Variants in ATG13 observed in about 807,000 individuals in gnomAD.
The protein encoded by ATG13 is autophagy-related protein 13.
Under a neutral mutation model 65.5 loss-of-function variants are expected in ATG13, and 23 were observed. The observed-to-expected ratio is 0.35, with a 90% CI of 0.25 to 0.50. The LOEUF (loss-of-function observed/expected upper bound fraction) is 0.50, where lower values mean the gene tolerates loss of function less well. Among genes scored for constraint, ATG13 ranks in the 20% least tolerant of loss-of-function variants. ATG13 has a pLI of 0.98. For missense variants in ATG13, 566 were observed against 677.0 expected, an observed-to-expected ratio of 0.84 and a Z score of 1.82; for synonymous variants, 252 against 245.2, an observed-to-expected ratio of 1.03 and a Z score of -0.26.
In ATG13 at chr11:46,645,852, G is replaced by A. The variant is rs202100011; in HGVS notation, c.151-18G>A. 5.7e-5 allele frequency: 92 copies of A among 1,613,706 alleles called. No homozygotes were observed. Among genetic ancestry groups the A allele is most frequent in the Non-Finnish European group, 5.4e-5 (64 of 1,179,834 alleles). ...GTTCCTGTGAGTGTTTCATGCAAAA[G>A]TCCCTTTTGTTTTCCAGTTCAACTT... On this transcript the variant is annotated intron_variant, in intron 4 of 18. Coordinates refer to ENST00000683050, the MANE Select transcript of ATG13 (RefSeq NM_001346311.2).
chr11:46,659,351 C>T, intron 10 of ATG13, 41 bp from the exon 11 acceptor site: 1 of 1,499,108 alleles, frequency 6.7e-7, no homozygotes, highest in Non-Finnish European at 9.3e-7. Context: ...AAATTGACTG[C>T]CACCACCATA....
chr11:46,657,071 C>T, intron 8 of ATG13, 24 bp from the exon 9 acceptor site: 1 of 1,579,124 alleles, frequency 6.3e-7, no homozygotes, highest in Non-Finnish European at 8.7e-7. Context: ...GCAAAAGAAG[C>T]TAATAATGTA....
At chr11:46,630,533 T>C (rs2051309921) in intron 2 of ATG13, among the ~76,000 whole-genome samples, 1 of 151,734 alleles carries the variant, frequency 6.6e-6, no homozygotes. Context: ...AGCTGATAGG[T>C]AGACTTATGC....
At chr11:46,622,353 G>A (rs1440614563) in intron 1 of ATG13, among the ~76,000 whole-genome samples, 1 of 151,642 alleles carries the variant, frequency 6.6e-6, no homozygotes, top group Non-Finnish European at 1.5e-5. Flanking sequence ...TCCTGACCTC[G>A]TGATCCGCCT....
At position 46,632,735 on chromosome 11, in the gene ATG13, G is replaced by C. The variant is rs560648166; in HGVS notation, c.-14+2635G>C. ...ACCACTTGCCCCTGTGGTAGAGAAG[G>C]ATGTGTGAAGTTTATAGTGTGGGGT... On this transcript the variant is annotated intron_variant, in intron 2 of 18. Transcript: ENST00000683050. 1.4e-3 allele frequency among the ~76,000 whole-genome samples: 208 copies of C among 152,178 alleles called. 1 individual carries two copies. Among genetic ancestry groups the C allele is most frequent in the South Asian group, 2.7e-3 (13 of 4,818 alleles).
At chr11:46,633,651 A>G (rs1009191417) in intron 2 of ATG13, among the ~76,000 whole-genome samples, 1 of 151,834 alleles carries the variant, frequency 6.6e-6, no homozygotes, top group Admixed American at 6.6e-5. Context: ...CTGGCCAAAA[A>G]TTTTTTTTAA....
In ATG13 at chr11:46,668,761, C is replaced by T. The variant is rs1029179860; in HGVS notation, c.1330-33C>T. 7 of 1,559,444 alleles carry T rather than the reference C, an allele frequency of 4.5e-6. No individual in the cohort carries two copies. The Admixed American group carries it at 8.4e-5, about 19-fold the overall frequency. On this transcript the variant is annotated intron_variant, in intron 16 of 18. Transcript: ENST00000683050. ...ACAGTAACTTGAATCTGGGTCACAG[C>T]ATCAGCCCTAATCCTGCCTTGCTAT... is the stretch of plus-strand genomic sequence containing the variant.
Position 46,668,596 on chromosome 11 carries a change from C to CGA in ATG13, c.1329+22_1329+23dup, listed in dbSNP as rs2062954758. 1.2e-6 allele frequency: 2 copies of CGA among 1,609,042 alleles called. No individual in the cohort carries two copies. Among genetic ancestry groups the CGA allele is most frequent in the African/African-American group, 2.7e-5 (2 of 74,822 alleles). ...CCAATGGTGAGCCCACCGTTGACTACGAGTTCCCAGTAGATGGTGCGCTAG... is the reference window on the plus strand; with the variant it reads ...CCAATGGTGAGCCCACCGTTGACTACGAGAGTTCCCAGTAGATGGTGCGCTAG... On this transcript the variant is annotated intron_variant, in intron 16 of 18. Transcript: ENST00000683050.
rs1244024053 is a variant in ATG13 at position 46,672,290 on chromosome 11, G to A, written c.1611G>A (p.Lys537=). 1.2e-6 allele frequency: 2 copies of A among 1,614,148 alleles called. No homozygotes were observed. Among genetic ancestry groups the A allele is most frequent in the Non-Finnish European group, 1.7e-6 (2 of 1,180,054 alleles). The stretch of plus-strand genomic sequence containing the variant: ...CAGAGAAGCTGGCTGTGCATGAGAA[G>A]AATGTCCGCGAGTTTGATGCCTTTG... The part of the protein sequence containing the change: ...SLPEKLAVHE[K]NVREFDAFVE... Residue 537 remains lysine, a synonymous_variant, in exon 19 of 19, where the codon AAG becomes AAA. Transcript: ENST00000683050.
intron 1 of ATG13, among the ~76,000 whole-genome samples, chr11:46,620,215 TC>T (rs1201052603): frequency 1.3e-5 from 2 of 149,452 alleles, no homozygotes; most frequent in African/African-American, 2.4e-5. Context: ...TGCCTCAGCC[TC>T]CCAAGTAGCT....
chr11:46,660,736 T>G (rs1235206024), intron 11 of ATG13, among the ~76,000 whole-genome samples: 1 of 149,654 alleles, frequency 6.7e-6, no homozygotes, highest in Admixed American at 6.7e-5. Context: ...TGAAACAGGG[T>G]CTCACTCTGT....
At chr11:46,642,304 GTTTT>G (rs200225497) in intron 2 of ATG13, among the ~76,000 whole-genome samples, 3 of 107,916 alleles carry the variant, frequency 2.8e-5, no homozygotes, top group South Asian at 3.1e-4. Context: ...ATTTTTGTGG[GTTTT>G]TTTTTTTTTT....
In ATG13 at chr11:46,659,491, G is replaced by A. The variant is rs749773974; in HGVS notation, c.789+6G>A. 2 of 1,609,460 alleles carry A rather than the reference G, an allele frequency of 1.2e-6. No individual in the cohort carries two copies. Among genetic ancestry groups the A allele is most frequent in the South Asian group, 2.2e-5 (2 of 90,986 alleles). ...CCACCTCCCCACCATCCCAGGTAGG[G>A]GGAAGCAGGTTCTGGGGTGGTGGTA... is the stretch of plus-strand genomic sequence containing the variant. On this transcript the variant is annotated splice_donor_region_variant and intron_variant, in intron 11 of 18. Coordinates refer to ENST00000683050, the MANE Select transcript of ATG13 (RefSeq NM_001346311.2).
intron 9 of ATG13, 122 bp downstream of exon 9, chr11:46,657,313 AAGAG>A: frequency 1.9e-6 from 2 of 1,027,700 alleles, no homozygotes; most frequent in Non-Finnish European, 2.9e-6. Flanking sequence ...CAGAAGAATA[AAGAG>A]AGAGTGCAGT....
intron 18 of ATG13, among the ~76,000 whole-genome samples, chr11:46,670,035 G>A (rs1447536545): frequency 6.6e-6 from 1 of 152,072 alleles, no homozygotes; most frequent in Non-Finnish European, 1.5e-5. Context: ...GCCTCTGAGG[G>A]GCAGAAGAGT....
At chr11:46,650,465 C>A in intron 7 of ATG13, 148 bp downstream of exon 7, 1 of 1,128,530 alleles carries the variant, frequency 8.9e-7, no homozygotes, top group Non-Finnish European at 1.2e-6. Context: ...GATCACTATC[C>A]AGCCTGCCTT....
Position 46,672,249 on chromosome 11 carries a change from G to A in ATG13, c.1576-6G>A, listed in dbSNP as rs761558525. On this transcript the variant is annotated splice_region_variant and splice_polypyrimidine_tract_variant and intron_variant, in intron 18 of 18. Coordinates refer to ENST00000683050, the MANE Select transcript of ATG13 (RefSeq NM_001346311.2). ...TAAACGGCTCTTCCCTCTCTTTCCG[G>A]TACAGGACTCATTACCAGAGAAGCT... 15 of 1,613,990 alleles carry A rather than the reference G, an allele frequency of 9.3e-6. No individual in the cohort carries two copies. The highest frequency in any genetic ancestry group is 2.7e-5 in the African/African-American group (2 of 74,922).
intron 2 of ATG13, among the ~76,000 whole-genome samples, chr11:46,633,370 C>CT (rs879687541): frequency 1.3e-5 from 2 of 150,938 alleles, no homozygotes; most frequent in Non-Finnish European, 2.9e-5. Flanking sequence ...TTTTTGGAGA[C>CT]GGAGTTTTGC....
In ATG13 at chr11:46,617,645, C is replaced by T. The variant is rs1224624364; in HGVS notation, c.-315C>T. ...GCTTAAGGCGGGAGTGACCGCTTAA[C>T]CAGTGAGGGAAGCACTGAAGAGCGC... On this transcript the variant is annotated 5_prime_UTR_variant, in exon 1 of 19. Transcript: ENST00000683050. 8 of 333,982 alleles carry T rather than the reference C, an allele frequency of 2.4e-5. No individual in the cohort carries two copies. 20.7% of individuals were successfully genotyped at this position (333,982 alleles called of 1,614,324 possible). A position where few individuals can be genotyped will look rare whatever the true frequency, so the allele number is the denominator to read the frequency against.
Sources: gnomAD v4.1 joint callset for allele counts (sites outside exome capture counted in the v4.1 genomes callset) on GRCh38, gnomAD v4.1.1 for gene constraint, MANE v1.5 for transcripts, NCBI Gene and HGNC (gene_info 2026-07-23, HGNC 2026-07-21) for gene names.